The following GPR34 variants were observed in gnomAD, a reference collection of about 807,000 sequenced individuals.
GPR34 encodes the protein G protein-coupled receptor 34.
In GPR34, 3 loss-of-function variants were observed where a neutral mutation model predicts 14.1. The ratio of observed to expected loss-of-function variants is 0.21; its 90% CI spans 0.10 to 0.55. GPR34 has a LOEUF of 0.55. Ranked by LOEUF, GPR34 falls within the 20% of genes least tolerant of loss-of-function variation. The pLI, the probability that GPR34 is intolerant of heterozygous loss-of-function variation, is 0.94. For synonymous variants in GPR34, 99 were observed against 99.9 expected (o/e 0.99, Z 0.05); for missense variants, 213 against 292.8 (o/e 0.73, Z 1.99).
In GPR34 at chrX:41,695,913, C is replaced by T. The variant is rs767384358; in HGVS notation, c.280C>T (p.Leu94Phe). 39 of 1,206,509 alleles carry T rather than the reference C, an allele frequency of 3.2e-5. No individual in the cohort carries two copies. Among genetic ancestry groups the T allele is most frequent in the Non-Finnish European group, 4.4e-5 (39 of 892,276 alleles). ...AAGAAATTCCATTCAAATTTATCTA[C>T]TTAACGTAGCCATTGCAGACCTCCT... Reference protein sequence around the residue: ...RKRNSIQIYLLNVAIADLLLI... With the variant: ...RKRNSIQIYLFNVAIADLLLI... The change falls in exon 3 of 3, where the codon CTT (leucine) becomes TTT (phenylalanine). Residue 94 changes from leucine (L) to phenylalanine (F), a missense_variant. By Grantham distance (22) the Leu-to-Phe change is conservative. Transcript: ENST00000378142.
At chrX:41,689,533 T>C (rs977796574) in intron 1 of GPR34, among the ~76,000 whole-genome samples, 2 of 111,838 alleles carry the variant, frequency 1.8e-5, no homozygotes, top group African/African-American at 6.5e-5. Flanking sequence ...TTTTATAGTA[T>C]TACCAGACCA....
At chrX:41,695,310 CTTTTTTTTTTT>C (rs1331604938) in intron 2 of GPR34, among the ~76,000 whole-genome samples, 1 of 87,761 alleles carries the variant, frequency 1.1e-5, no homozygotes, top group East Asian at 3.6e-4. Flanking sequence ...TTTACACTGT[CTTTTTTTTTTT>C]TTTTTTTTTA....
chrX:41,689,243 C>T (rs2067497732), intron 1 of GPR34, among the ~76,000 whole-genome samples, 159 bp downstream of exon 1: 1 of 111,819 alleles, frequency 8.9e-6, no homozygotes, highest in Non-Finnish European at 1.9e-5. Context: ...GCTTGAATGA[C>T]ACCTCTGCCT....
chrX:41,695,818 C>T lies in GPR34; in HGVS notation c.185C>T (p.Ser62Phe). The T allele has an allele frequency of 8.3e-7, 1 of 1,203,975 alleles. No homozygotes were observed. The highest frequency in any genetic ancestry group is 1.8e-5 in the South Asian group (1 of 56,823). ...TCTACTGTGTTAACCACATCCTACT[C>T]TGTTATTTTCATCGTGGGACTGGTT... ...LLSTVLTTSY[S>F]VIFIVGLVGN... is the part of the protein sequence containing the mutation. Residue 62 changes from serine to phenylalanine, a missense_variant, in exon 3 of 3, where the codon TCT becomes TTT. Ser to Phe is a radical substitution (Grantham distance 155). Coordinates refer to ENST00000378142, the MANE Select transcript of GPR34 (RefSeq NM_001097579.2).
intron 2 of GPR34, among the ~76,000 whole-genome samples, chrX:41,694,248 A>C (rs1278948790): frequency 8.9e-6 from 1 of 112,646 alleles, no homozygotes; most frequent in African/African-American, 3.2e-5. Context: ...AAACTAAGGC[A>C]TAGAAAAGAT....
chrX:41,696,076 T>C lies in GPR34; in HGVS notation c.443T>C (p.Ile148Thr). 1 of 1,201,829 alleles carries C rather than the reference T, an allele frequency of 8.3e-7. No homozygotes were observed. ...ATTAGCATTATTTTGCTTGGATTCA[T>C]CAGTTTGGATCGCTATATAAAAATT... ...MYISIILLGFISLDRYIKINR... is the reference protein window; with the variant it reads ...MYISIILLGFTSLDRYIKINR... Residue 148 changes from isoleucine to threonine, a missense_variant, in exon 3 of 3, where the codon ATC (isoleucine) becomes ACC (threonine). Transcript: ENST00000378142.
intron 2 of GPR34, among the ~76,000 whole-genome samples, chrX:41,694,139 A>G (rs2067633636): frequency 8.9e-6 from 1 of 112,427 alleles, no homozygotes; most frequent in South Asian, 3.7e-4. Flanking sequence ...CTAAAATGAG[A>G]TTAATCAAAA....
intron 2 of GPR34, among the ~76,000 whole-genome samples, chrX:41,692,656 T>A (rs1009892693): frequency 8.9e-6 from 1 of 112,495 alleles, no homozygotes. Flanking sequence ...CTTGCTTCTT[T>A]GACATGATTT....
rs755428921 is a variant in GPR34, at chrX:41,695,719, A to G, written c.86A>G (p.His29Arg). Reference sequence around the variant, plus strand: ...CACAGAATGCGCTTTATAACCAATCATAGCGACCAACCGCCACAAAACTTC... The same window carrying G: ...CACAGAATGCGCTTTATAACCAATCGTAGCGACCAACCGCCACAAAACTTC... ...SSHRMRFITN[H>R]SDQPPQNFSA... Residue 29 changes from histidine (H) to arginine (R), a missense_variant, in exon 3 of 3, where the codon CAT becomes CGT. His to Arg is a conservative substitution (Grantham distance 29, BLOSUM62 0). Transcript: ENST00000378142. 8.3e-7 allele frequency: 1 copy of G among 1,206,424 alleles called. No homozygotes were observed. The highest frequency in any genetic ancestry group is 1.1e-6 in the Non-Finnish European group (1 of 890,977).
chrX:41,691,607 C>T (rs1167901336), intron 2 of GPR34, among the ~76,000 whole-genome samples: 2 of 109,789 alleles, frequency 1.8e-5, no homozygotes, highest in African/African-American at 3.3e-5. Context: ...GCCTGTAACC[C>T]CAGCACTTTA....
Position 41,696,388 on chromosome X carries a change from G to A in GPR34, c.755G>A (p.Arg252Lys), listed in dbSNP as rs772633937. 1 of 1,178,474 alleles carries A rather than the reference G, an allele frequency of 8.5e-7. No homozygotes were observed. The highest frequency in any genetic ancestry group is 1.1e-6 in the Non-Finnish European group (1 of 878,397). The change falls in exon 3 of 3, where the codon AGG (arginine) becomes AAG (lysine). Residue 252 changes from arginine (R) to lysine (K), a missense_variant. Coordinates refer to ENST00000378142, the MANE Select transcript of GPR34 (RefSeq NM_001097579.2). Reference protein sequence around the residue: ...GKNLLRISKRRSKFPNSGKYA... With the variant: ...GKNLLRISKRKSKFPNSGKYA... ...AATCTATTGAGGATTTCTAAAAGGA[G>A]GTCAAAATTTCCTAATTCTGGTAAA...
Position 41,696,829 on chromosome X carries a change from A to G in GPR34, c.*50A>G, listed in dbSNP as rs1256668176. The G allele has an allele frequency of 3.5e-5, 29 of 817,779 alleles. No individual in the cohort carries two copies. The highest frequency in any genetic ancestry group is 4.8e-5 in the Non-Finnish European group (29 of 601,010). The allele number at this position is 817,779 out of a possible 1,213,427, so 67.4% of individuals were successfully genotyped here. ...ATAATGCAGCCTCTTAATTCTTTGA[A>G]GAACTAAAAAATTAGGAAACAAAGT... is the stretch of plus-strand genomic sequence containing the variant. On this transcript the variant is annotated 3_prime_UTR_variant, in exon 3 of 3. Coordinates refer to ENST00000378142, the MANE Select transcript of GPR34 (RefSeq NM_001097579.2).
rs745544205 is a variant in GPR34, at chrX:41,696,665, A to T, written c.1032A>T (p.Arg344Ser). 3 of 1,210,303 alleles carry T rather than the reference A, an allele frequency of 2.5e-6. No homozygotes were observed. The highest frequency in any genetic ancestry group is 3.4e-6 in the Non-Finnish European group (3 of 894,153). The part of the protein sequence containing the change: ...IRKIMCQLLF[R>S]RFQGEPSRSE... ...AAATAATGTGCCAACTTCTTTTTAG[A>T]CGATTTCAAGGTGAACCAAGTAGGA... The change falls in exon 3 of 3, where the codon AGA (arginine) becomes AGT (serine). Residue 344 changes from arginine (R) to serine (S), a missense_variant. Coordinates refer to ENST00000378142, the MANE Select transcript of GPR34 (RefSeq NM_001097579.2).
In GPR34 at chrX:41,691,054, T is replaced by G. The variant is rs189653407; in HGVS notation, c.-80+1219T>G. 2.3e-3 allele frequency among the ~76,000 whole-genome samples: 255 copies of G among 112,349 alleles called. 1 individual carries two copies. The highest frequency in any genetic ancestry group is 7.8e-3 in the African/African-American group (243 of 30,999). On this transcript the variant is annotated intron_variant, in intron 2 of 2. Transcript: ENST00000378142. ...TGGCCACTATTATAACATAAACAAA[T>G]GCACTGGCTTTGCTTTATGCTCTTT...
chrX:41,691,788 C>G (rs780171315), intron 2 of GPR34, among the ~76,000 whole-genome samples: 2 of 84,317 alleles, frequency 2.4e-5, no homozygotes, highest in Admixed American at 3.5e-4. Context: ...TTGCAGTGAG[C>G]TGAGACCATG....
At chrX:41,692,718 A>G (rs1022885897) in intron 2 of GPR34, among the ~76,000 whole-genome samples, 5 of 111,931 alleles carry the variant, frequency 4.5e-5, no homozygotes, top group Non-Finnish European at 9.4e-5. Context: ...GCTGCTGTGG[A>G]TCAAACACTG....
chrX:41,690,883 G>A (rs987535228), intron 2 of GPR34, among the ~76,000 whole-genome samples: 1 of 109,005 alleles, frequency 9.2e-6, no homozygotes, highest in African/African-American at 3.3e-5. Context: ...ATCTTGCCCA[G>A]GCTGGTCTAG....
Position 41,695,582 on chromosome X carries a change from C to A in GPR34, c.-52C>A. ...AAAATCTGAAGACATAAGAACTACACATGAGGAATATGTCATTTAGCACTT... is the reference window on the plus strand; with the variant it reads ...AAAATCTGAAGACATAAGAACTACAAATGAGGAATATGTCATTTAGCACTT... On this transcript the variant is annotated 5_prime_UTR_variant, in exon 3 of 3. Transcript: ENST00000378142. 2.4e-6 allele frequency: 2 copies of A among 836,867 alleles called. No individual in the cohort carries two copies. Among genetic ancestry groups the A allele is most frequent in the Non-Finnish European group, 3.5e-6 (2 of 576,456 alleles). The allele number at this position is 836,867 out of a possible 1,213,427, so 69.0% of individuals were successfully genotyped here.
rs762378642 is a variant in GPR34 at position 41,696,689 on chromosome X, G to T, written c.1056G>T (p.Arg352Ser). The change falls in exon 3 of 3, where the codon AGG (arginine) becomes AGT (serine). Residue 352 changes from arginine to serine, a missense_variant. Coordinates refer to ENST00000378142, the MANE Select transcript of GPR34 (RefSeq NM_001097579.2). Reference protein sequence around the residue: ...LFRRFQGEPSRSESTSEFKPG... With the variant: ...LFRRFQGEPSSSESTSEFKPG... ...GACGATTTCAAGGTGAACCAAGTAGGAGTGAAAGCACTTCAGAATTTAAAC... is the reference window on the plus strand; with the variant it reads ...GACGATTTCAAGGTGAACCAAGTAGTAGTGAAAGCACTTCAGAATTTAAAC... 3.3e-6 allele frequency: 4 copies of T among 1,207,598 alleles called. No homozygotes were observed. The highest frequency in any genetic ancestry group is 4.5e-6 in the Non-Finnish European group (4 of 891,783).
Sources: allele counts gnomAD v4.1 joint callset (sites outside exome capture counted in the v4.1 genomes callset), GRCh38; gene constraint gnomAD v4.1.1; transcripts MANE v1.5; gene names NCBI Gene and HGNC (gene_info 2026-07-23, HGNC 2026-07-21).